ZNF790: variants seen among roughly 807,000 people sequenced by gnomAD.
The protein encoded by ZNF790 is zinc finger protein 790.
A neutral mutation model predicts 12.1 loss-of-function variants in ZNF790; 8 were observed. The observed-to-expected ratio is 0.66, with a 90% CI of 0.39 to 1.19. The LOEUF is 1.19. Ranked by LOEUF, ZNF790 falls within the 50% of genes most tolerant of loss-of-function variation. The pLI, the probability that ZNF790 is intolerant of heterozygous loss-of-function variation, is 0.01. For synonymous variants in ZNF790, 252 were observed against 244.3 expected, an observed-to-expected ratio of 1.03 and a Z score of -0.29; for missense variants, 707 against 752.2, an observed-to-expected ratio of 0.94 and a Z score of 0.70.
Position 36,818,119 on chromosome 19 carries a change from G to C in ZNF790, c.*314C>G, listed in dbSNP as rs1310576666. ...ATAACAGGTGTGAGCCACCATGCTT[G>C]GCCAAATTATATATAAATTCTTTAT... On this transcript the variant is annotated 3_prime_UTR_variant, in exon 5 of 5. Transcript: ENST00000356725. 2 of 177,254 alleles carry C rather than the reference G, an allele frequency of 1.1e-5. No individual in the cohort carries two copies. The highest frequency in any genetic ancestry group is 4.7e-5 in the African/African-American group (2 of 42,126). 11.0% of individuals were successfully genotyped at this position (177,254 alleles called of 1,614,324 possible).
chr19:36,819,276 A>G lies in ZNF790; in HGVS notation c.1068T>C (p.His356=). Residue 356 remains histidine, a synonymous_variant, in exon 5 of 5, where the codon CAT becomes CAC. Coordinates refer to ENST00000356725, the MANE Select transcript of ZNF790 (RefSeq NM_206894.4). ...AFTRGSHLTQ[H]QRIHTGEKSH... ...ATTTCTCACCAGTATGAATTCTCTGATGCTGAGTTAGGTGTGATCCACGAG... is the reference window on the plus strand; with the variant it reads ...ATTTCTCACCAGTATGAATTCTCTGGTGCTGAGTTAGGTGTGATCCACGAG... 6.2e-7 allele frequency: 1 copy of G among 1,612,954 alleles called. No individual in the cohort carries two copies. The highest frequency in any genetic ancestry group is 8.5e-7 in the Non-Finnish European group (1 of 1,179,340).
rs1205003053 is a variant in ZNF790, at chr19:36,818,282, GC to G, written c.*150del. 22 of 3,832 alleles carry G rather than the reference GC, an allele frequency of 5.7e-3. No individual in the cohort carries two copies. Among genetic ancestry groups the G allele is most frequent in the Middle Eastern group, 0.5 (1 of 2 alleles). 0.2% of individuals were successfully genotyped at this position (3,832 alleles called of 1,614,324 possible). ...ATATTGATTGCATGATGAATTCTCT[GC>G]TGCTGCTGCTGCTGCTGCTGCTGGA... On this transcript the variant is annotated 3_prime_UTR_variant, in exon 5 of 5. Transcript: ENST00000356725.
chr19:36,833,467 C>T (rs1227576), intron 1 of ZNF790, among the ~76,000 whole-genome samples: 2 of 152,080 alleles, frequency 1.3e-5, no homozygotes, highest in Non-Finnish European at 2.9e-5. Context: ...ATATTAATTA[C>T]TACAAATAGT....
chr19:36,822,282 T>A (rs926367434), intron 4 of ZNF790, among the ~76,000 whole-genome samples: 35 of 152,078 alleles, frequency 2.3e-4, no homozygotes, highest in African/African-American at 5.3e-4. Flanking sequence ...GTTAAAAAAA[T>A]TTTTTTAACT....
chr19:36,826,160 C>T (rs1281842519), intron 1 of ZNF790, among the ~76,000 whole-genome samples: 1 of 152,138 alleles, frequency 6.6e-6, no homozygotes, highest in Non-Finnish European at 1.5e-5. Flanking sequence ...ATAGGAGCAG[C>T]CCATGATCTC....
upstream of ZNF790, among the ~76,000 whole-genome samples, chr19:36,840,687 C>A (rs1051154078): frequency 6.6e-6 from 1 of 152,176 alleles, no homozygotes; most frequent in African/African-American, 2.4e-5. Flanking sequence ...TAGATGCAAG[C>A]CAAAGACTAA....
rs139757499 is a variant in ZNF790 at position 36,822,520 on chromosome 19, T to TTTTG, written c.229+761_229+764dup. Among the ~76,000 whole-genome samples, 222 of 151,510 alleles carry TTTTG rather than the reference T, an allele frequency of 1.5e-3. 1 individual carries two copies. Among genetic ancestry groups the TTTTG allele is most frequent in the Admixed American group, 0.012 (188 of 15,272 alleles). On this transcript the variant is annotated intron_variant, in intron 4 of 4. Coordinates refer to ENST00000356725, the MANE Select transcript of ZNF790 (RefSeq NM_206894.4). Reference sequence around the variant, plus strand: ...GGCCTCAGGCCCTTATTAAAGTGTTTTTTGTTTGTTTGTTTGTTTGTTTTG... The same window carrying TTTTG: ...GGCCTCAGGCCCTTATTAAAGTGTTTTTTGTTTGTTTGTTTGTTTGTTTGTTTTG...
At chr19:36,823,601 TA>T in intron 3 of ZNF790, 65 bp downstream of exon 3, 2 of 1,574,620 alleles carry the variant, frequency 1.3e-6, no homozygotes, top group East Asian at 2.2e-5. Flanking sequence ...CCTGGACATT[TA>T]AAAGACAATA....
intron 2 of ZNF790, 24 bp from the exon 3 acceptor site, chr19:36,823,814 T>A: frequency 6.3e-7 from 1 of 1,576,982 alleles, no homozygotes; most frequent in Non-Finnish European, 8.6e-7. Context: ...TAATTCCAAG[T>A]ATTAATGGTG....
At chr19:36,838,399 A>G (rs1228290273), upstream of ZNF790, 1 of 152,302 alleles carries the variant, frequency 6.6e-6, no homozygotes, top group East Asian at 1.9e-4. The surrounding 1 kb of genome is among the most constrained non-coding windows in gnomAD (Gnocchi z 4.4). Context: ...CTAAAGGGAC[A>G]GAGGGCTGAC....
intron 1 of ZNF790, among the ~76,000 whole-genome samples, chr19:36,846,019 G>C (rs2072177340): frequency 6.6e-6 from 1 of 152,076 alleles, no homozygotes; most frequent in African/African-American, 2.4e-5. Context: ...ATGTTGGCCA[G>C]GATGATCTCG....
intron 1 of ZNF790, among the ~76,000 whole-genome samples, chr19:36,834,589 T>G (rs2072006436): frequency 6.6e-6 from 1 of 152,238 alleles, no homozygotes; most frequent in African/African-American, 2.4e-5. Flanking sequence ...ATGGATCAAT[T>G]GGAACTTGCA....
In ZNF790 at chr19:36,818,491, T is replaced by G. The variant is rs1223568402; in HGVS notation, c.1853A>C (p.Glu618Ala). Reference sequence around the variant, plus strand: ...AAATGCTTTCTCAAAATCTTTAAATTCATAGGATTTCTCAAAAGTGTAAAT... The same window carrying G: ...AAATGCTTTCTCAAAATCTTTAAATGCATAGGATTTCTCAAAAGTGTAAAT... ...QNIYTFEKSY[E>A]FKDFEKAFSS... The change falls in exon 5 of 5, where the codon GAA becomes GCA. Residue 618 changes from glutamate (E) to alanine (A), a missense_variant. Coordinates refer to ENST00000356725, the MANE Select transcript of ZNF790 (RefSeq NM_206894.4). 6.3e-7 allele frequency: 1 copy of G among 1,582,122 alleles called. No individual in the cohort carries two copies. Among genetic ancestry groups the G allele is most frequent in the South Asian group, 1.1e-5 (1 of 87,688 alleles).
chr19:36,837,815 T>C (rs1482005299), intron 1 of ZNF790: 1 of 152,246 alleles, frequency 6.6e-6, no homozygotes, highest in African/African-American at 2.4e-5. Context: ...ACTCTTGAAC[T>C]ATGTTGTCTA....
intron 1 of ZNF790, among the ~76,000 whole-genome samples, chr19:36,835,634 A>G (rs762224312): frequency 1.5e-4 from 23 of 152,076 alleles, no homozygotes; most frequent in Non-Finnish European, 2.9e-4. Context: ...ATACAAATCT[A>G]TTATCATATA....
intron 1 of ZNF790, among the ~76,000 whole-genome samples, chr19:36,827,139 C>CAT (rs1292370504): frequency 3.3e-3 from 235 of 70,156 alleles, no homozygotes; most frequent in African/African-American, 0.013. Context: ...CACACACACA[C>CAT]ACATATATAT....
At chr19:36,837,425 G>A (rs893848292) in intron 1 of ZNF790, among the ~76,000 whole-genome samples, 33 of 152,028 alleles carry the variant, frequency 2.2e-4, no homozygotes, top group African/African-American at 8.0e-4. Flanking sequence ...CGGCCTCCTT[G>A]TTGTTCACTA....
chr19:36,836,438 CA>C (rs2072046196), intron 1 of ZNF790, among the ~76,000 whole-genome samples: 3 of 151,778 alleles, frequency 2.0e-5, no homozygotes, highest in Admixed American at 2.0e-4. Context: ...CAACCAAATG[CA>C]GCAAGACAAG....
upstream of ZNF790, among the ~76,000 whole-genome samples, chr19:36,839,833 A>T (rs1354870921): frequency 6.6e-6 from 1 of 151,528 alleles, no homozygotes; most frequent in Non-Finnish European, 1.5e-5. Context: ...GAGGCTGAGG[A>T]GGGTGGATCA....
Sources: allele counts gnomAD v4.1 joint callset (sites outside exome capture counted in the v4.1 genomes callset), GRCh38; gene constraint gnomAD v4.1.1; non-coding constraint Gnocchi (gnomAD v3.1); transcripts MANE v1.5; gene names NCBI Gene and HGNC (gene_info 2026-07-23, HGNC 2026-07-21).